RBMS3: variants seen among roughly 807,000 people sequenced by gnomAD.
RBMS3 encodes RNA-binding motif, single-stranded-interacting protein 3.
RBMS3 carries 27 observed loss-of-function variants against 66.8 expected under a neutral mutation model. That is an observed-to-expected ratio of 0.40 (90% CI 0.30 to 0.56). The LOEUF is 0.56. Ranked by LOEUF, RBMS3 falls within the 20% of genes least tolerant of loss-of-function variation. The probability of loss-of-function intolerance (pLI) is 0.40; values close to 1 mark genes in which losing one functional copy is unlikely to be tolerated. For synonymous variants in RBMS3, 188 were observed against 183.0 expected, an observed-to-expected ratio of 1.03 and a Z score of -0.22; for missense variants, 513 against 549.5, an observed-to-expected ratio of 0.93 and a Z score of 0.66.
At chr3:29,962,824 C>T (rs116709311) in intron 12 of RBMS3, among the ~76,000 whole-genome samples, 1,853 of 152,058 alleles carry the variant, frequency 0.012, 38 homozygotes, top group African/African-American at 0.042. Flanking sequence ...TCAAATTAAC[C>T]TTCCTTGACT....
chr3:29,927,783 A>G (rs182524167), intron 10 of RBMS3, among the ~76,000 whole-genome samples: 2 of 152,280 alleles, frequency 1.3e-5, no homozygotes, highest in East Asian at 3.9e-4. Context: ...TGATCCTCGT[A>G]GATTATGTGT....
chr3:29,365,438 A>G (rs2037845017), intron 1 of RBMS3, among the ~76,000 whole-genome samples: 1 of 152,142 alleles, frequency 6.6e-6, no homozygotes, highest in African/African-American at 2.4e-5. Flanking sequence ...CTCTCTTCGT[A>G]TCAAAGAAGT....
chr3:29,772,066 A>G (rs938693455), intron 6 of RBMS3, among the ~76,000 whole-genome samples: 19 of 152,042 alleles, frequency 1.2e-4, no homozygotes, highest in Admixed American at 5.9e-4. Flanking sequence ...GGAGAACGGT[A>G]GAAGAGGAGG....
At chr3:29,842,743 G>C (rs375928583) in intron 6 of RBMS3, among the ~76,000 whole-genome samples, 1 of 152,102 alleles carries the variant, frequency 6.6e-6, no homozygotes, top group Admixed American at 6.5e-5. Flanking sequence ...TGTTAGGATC[G>C]TTATAAGAGG....
rs1444168600 is a variant in RBMS3 at position 29,942,057 on chromosome 3, G to GA, written c.1051-2145dup. Among the ~76,000 whole-genome samples the GA allele has an allele frequency of 4.0e-5, 6 of 151,670 alleles. 1 individual carries two copies. Among genetic ancestry groups the GA allele is most frequent in the Admixed American group, 3.3e-4 (5 of 15,210 alleles). On this transcript the variant is annotated intron_variant, in intron 11 of 14. Transcript: ENST00000383767. Reference sequence around the variant, plus strand: ...TCTATGGAAATATTCTAAAATAACAGAAAAATAATTATACCTCAAAAATAT... The same window carrying GA: ...TCTATGGAAATATTCTAAAATAACAGAAAAAATAATTATACCTCAAAAATAT...
chr3:29,665,634 C>T (rs1459494711), intron 4 of RBMS3, among the ~76,000 whole-genome samples: 1 of 152,124 alleles, frequency 6.6e-6, no homozygotes, highest in African/African-American at 2.4e-5. Flanking sequence ...TTTAAGTTTG[C>T]CAACATTGCC....
At chr3:29,412,504 A>G (rs1342704410) in intron 1 of RBMS3, among the ~76,000 whole-genome samples, 1 of 152,194 alleles carries the variant, frequency 6.6e-6, no homozygotes, top group African/African-American at 2.4e-5. Context: ...TACTTATCTA[A>G]TAAAACTAAT....
chr3:29,329,332 T>G (rs924983221), intron 1 of RBMS3, among the ~76,000 whole-genome samples: 4 of 152,132 alleles, frequency 2.6e-5, no homozygotes, highest in Admixed American at 2.6e-4. Flanking sequence ...AGCTCATGTG[T>G]AATTAAAATC....
chr3:29,602,530 G>A (rs1382506377), intron 4 of RBMS3, among the ~76,000 whole-genome samples: 1 of 152,010 alleles, frequency 6.6e-6, no homozygotes, highest in Non-Finnish European at 1.5e-5. Context: ...AATCCTTGTT[G>A]TTCCCTAGTT....
intron 3 of RBMS3, among the ~76,000 whole-genome samples, chr3:29,527,722 A>T (rs186644746): frequency 2.0e-5 from 3 of 152,254 alleles, no homozygotes; most frequent in Admixed American, 2.0e-4. Context: ...GAAATAGCAG[A>T]TACATTGGTG....
intron 12 of RBMS3, among the ~76,000 whole-genome samples, chr3:29,981,101 T>C (rs1461178714): frequency 1.3e-5 from 2 of 152,222 alleles, no homozygotes; most frequent in Non-Finnish European, 2.9e-5. Flanking sequence ...TGTCCTCTCT[T>C]ATTTCCTTGA....
At chr3:29,505,549 A>T (rs1291482199) in intron 3 of RBMS3, among the ~76,000 whole-genome samples, 1 of 148,666 alleles carries the variant, frequency 6.7e-6, no homozygotes, top group Non-Finnish European at 1.5e-5. Flanking sequence ...TACTCAAGAT[A>T]GCTTTGGCTG....
chr3:29,951,458 CCTT>C (rs1042704622), intron 12 of RBMS3, among the ~76,000 whole-genome samples: 22 of 148,824 alleles, frequency 1.5e-4, no homozygotes, highest in African/African-American at 4.1e-4. Context: ...GCTTTTCTCT[CCTT>C]AAGAGTAGAG....
At chr3:29,559,254 G>T (rs1425887469) in intron 3 of RBMS3, among the ~76,000 whole-genome samples, 1 of 151,818 alleles carries the variant, frequency 6.6e-6, no homozygotes. Context: ...AGAAGACCCA[G>T]TTCAAATATT....
intron 2 of RBMS3, among the ~76,000 whole-genome samples, chr3:29,483,309 C>CAAAAA (rs72225547): frequency 1.3e-5 from 1 of 75,584 alleles, no homozygotes; most frequent in Non-Finnish European, 3.2e-5. Context: ...TTCGTCTTAA[C>CAAAAA]AAAAAAAAAA....
At chr3:29,991,377 G>A in intron 14 of RBMS3, 168 bp downstream of exon 14, 1 of 1,093,936 alleles carries the variant, frequency 9.1e-7, no homozygotes, top group Non-Finnish European at 1.3e-6. Flanking sequence ...CTAACTTTGG[G>A]TGGATGGTTC....
chr3:29,490,806 C>A (rs996171838), intron 3 of RBMS3, among the ~76,000 whole-genome samples: 2 of 152,076 alleles, frequency 1.3e-5, no homozygotes, highest in African/African-American at 2.4e-5. Context: ...AAGCATGTGG[C>A]ATGTTAGAAG....
At chr3:29,623,532 T>C (rs906329188) in intron 4 of RBMS3, among the ~76,000 whole-genome samples, 1 of 148,874 alleles carries the variant, frequency 6.7e-6, no homozygotes, top group Admixed American at 6.8e-5. Flanking sequence ...ATGGAGCTTT[T>C]GCAGTGAGCC....
At chr3:29,611,771 T>TA (rs893580842) in intron 4 of RBMS3, among the ~76,000 whole-genome samples, 10 of 151,318 alleles carry the variant, frequency 6.6e-5, no homozygotes, top group South Asian at 6.3e-4. Context: ...TTTCCAATGT[T>TA]AAAAAAAAAC....
Sources: gnomAD v4.1 joint callset for allele counts (sites outside exome capture counted in the v4.1 genomes callset) on GRCh38, gnomAD v4.1.1 for gene constraint, MANE v1.5 for transcripts, NCBI Gene and HGNC (gene_info 2026-07-23, HGNC 2026-07-21) for gene names.